TSHZ3: variants seen among roughly 807,000 people sequenced by gnomAD.
TSHZ3 encodes the protein teashirt zinc finger homeobox 3, also known as teashirt homolog 3.
In TSHZ3, 10 loss-of-function variants were observed where a neutral mutation model predicts 64.5. The ratio of observed to expected loss-of-function variants is 0.16; its 90% confidence interval spans 0.10 to 0.26. TSHZ3 has a LOEUF of 0.26. Ranked by LOEUF, TSHZ3 falls within the 10% of genes least tolerant of loss-of-function variation. The probability of loss-of-function intolerance (pLI) is 1.00; values close to 1 mark genes in which losing one functional copy is unlikely to be tolerated. For missense variants in TSHZ3, 1,242 were observed against 1,421.7 expected, an observed-to-expected ratio of 0.87 and a Z score of 2.03; for synonymous variants, 608 against 593.1, an observed-to-expected ratio of 1.03 and a Z score of -0.36.
intron 5 of TSHZ3, among the ~76,000 whole-genome samples, chr19:31,172,494 T>G (rs1198411189): frequency 6.6e-6 from 1 of 152,188 alleles, no homozygotes; most frequent in Non-Finnish European, 1.5e-5. Flanking sequence ...TCACACATAC[T>G]CAAGAAATGC....
Position 31,278,956 on chromosome 19 carries a change from G to A in TSHZ3, c.837C>T (p.Tyr279=). 6.2e-7 allele frequency: 1 copy of A among 1,614,162 alleles called. No individual in the cohort carries two copies. The highest frequency in any genetic ancestry group is 8.5e-7 in the Non-Finnish European group (1 of 1,180,042). The change falls in exon 2 of 2, where the codon TAC becomes TAT. Residue 279 remains tyrosine, a synonymous_variant. Coordinates refer to ENST00000240587, the MANE Select transcript of TSHZ3 (RefSeq NM_020856.4). This position sits in a 1 kb window ranked among gnomAD's most constrained non-coding sequence, Gnocchi z 4.7. ...GCAGGGACTCAAAGGAGTGGCCACA[G>A]TACATGCACTTCAGCACCTTCTGGG... ...EDAQKVLKCM[Y]CGHSFESLQD...
chr19:31,210,699 G>C (rs529417332), intron 4 of TSHZ3, among the ~76,000 whole-genome samples: 1 of 151,944 alleles, frequency 6.6e-6, no homozygotes, highest in Non-Finnish European at 1.5e-5. Context: ...GAACCCACGC[G>C]TACCACCATT....
intron 5 of TSHZ3, among the ~76,000 whole-genome samples, chr19:31,192,107 T>C (rs1974918937): frequency 6.6e-6 from 1 of 152,090 alleles, no homozygotes; most frequent in Admixed American, 6.5e-5. Context: ...GAATACATAA[T>C]ATAATTCCTA....
chr19:31,223,597 G>A (rs972294905), intron 4 of TSHZ3, among the ~76,000 whole-genome samples: 5 of 152,086 alleles, frequency 3.3e-5, no homozygotes, highest in African/African-American at 4.8e-5. Context: ...CCTTTGGAAA[G>A]CGATGCACAT....
chr19:31,153,952 A>G (rs761457238), intron 6 of TSHZ3, among the ~76,000 whole-genome samples: 1 of 152,224 alleles, frequency 6.6e-6, no homozygotes, highest in Non-Finnish European at 1.5e-5. Flanking sequence ...TTCCCATTAA[A>G]GGGTGGAGCA....
At chr19:31,302,628 C>T (rs944623659) in intron 1 of TSHZ3, among the ~76,000 whole-genome samples, 2 of 151,972 alleles carry the variant, frequency 1.3e-5, no homozygotes, top group African/African-American at 2.4e-5. Flanking sequence ...TTTACTTTTA[C>T]CTTAAAATAC....
Position 31,277,770 on chromosome 19 carries a change from G to C in TSHZ3, c.2023C>G (p.Arg675Gly). 1.3e-6 allele frequency: 2 copies of C among 1,529,246 alleles called. No individual in the cohort carries two copies. Among genetic ancestry groups the C allele is most frequent in the Non-Finnish European group, 1.8e-6 (2 of 1,141,562 alleles). The allele number at this position is 1,529,246 out of a possible 1,614,324, so 94.7% of individuals were successfully genotyped here. Reference protein sequence around the residue: ...RSQENSPSPPRDGCKDGSPLA... With the variant: ...RSQENSPSPPGDGCKDGSPLA... ...GGGCTCCCATCCTTGCACCCATCCC[G>C]CGGGGGGCTGGGGCTGTTCTCCTGG... is the stretch of plus-strand genomic sequence containing the variant. Residue 675 changes from arginine to glycine, a missense_variant, in exon 2 of 2, where the codon CGG (arginine) becomes GGG (glycine). Physicochemically the swap from Arg to Gly is moderately radical, Grantham distance 125. This residue lies in a region of TSHZ3 where 550 missense variants were observed against 545.1 expected (regional missense o/e 1.01). Coordinates refer to ENST00000240587, the MANE Select transcript of TSHZ3 (RefSeq NM_020856.4). The surrounding 1 kb of genome is among the most constrained non-coding windows in gnomAD (Gnocchi z 4.5).
chr19:31,326,974 C>A lies in TSHZ3; in HGVS notation c.40+22206G>T, dbSNP rs184222390. On this transcript the variant is annotated intron_variant, in intron 1 of 1. Coordinates refer to ENST00000240587, the MANE Select transcript of TSHZ3 (RefSeq NM_020856.4). ...GAGAAGTCCAGCTCCATGTGAGGAA[C>A]GCCAGAGAAGGCATCCTGGAGAGAA... Among the ~76,000 whole-genome samples the A allele has an allele frequency of 4.0e-4, 61 of 152,200 alleles. 1 individual carries two copies. Among genetic ancestry groups the A allele is most frequent in the Non-Finnish European group, 1.3e-4 (9 of 68,024 alleles).
At chr19:31,156,251 C>A (rs79718803) in intron 6 of TSHZ3, among the ~76,000 whole-genome samples, 1 of 152,110 alleles carries the variant, frequency 6.6e-6, no homozygotes, top group African/African-American at 2.4e-5. Context: ...GTGTCAGGCA[C>A]GTAATAGGTA....
chr19:31,184,447 G>A (rs1974772622), intron 5 of TSHZ3, among the ~76,000 whole-genome samples: 1 of 152,136 alleles, frequency 6.6e-6, no homozygotes, highest in Non-Finnish European at 1.5e-5. Context: ...GTTTTACTGA[G>A]GCCGTAACAA....
Position 31,349,299 on chromosome 19 carries a change from CGCGGGGGGGCGAGGCGGGCCT to C in TSHZ3, c.-101_-81del. 1 of 1,393,428 alleles carries C rather than the reference CGCGGGGGGGCGAGGCGGGCCT, an allele frequency of 7.2e-7. No homozygotes were observed. Among genetic ancestry groups the C allele is most frequent in the Non-Finnish European group, 9.5e-7 (1 of 1,057,900 alleles). The allele number at this position is 1,393,428 out of a possible 1,614,324, so 86.3% of individuals were successfully genotyped here. A position where few individuals can be genotyped will look rare whatever the true frequency, so the allele number is the denominator to read the frequency against. Reference sequence around the variant, plus strand: ...ACAGGGAGGGAGGGGGCGGCGGGCCCGCGGGGGGGCGAGGCGGGCCTGCTCTCAGCCTCCCCCCCGGAGAGC... The same window carrying C: ...ACAGGGAGGGAGGGGGCGGCGGGCCCGCTCTCAGCCTCCCCCCCGGAGAGC... On this transcript the variant is annotated 5_prime_UTR_variant, in exon 1 of 2. Transcript: ENST00000240587.
intron 5 of TSHZ3, among the ~76,000 whole-genome samples, chr19:31,197,117 A>T (rs933158902): frequency 2.0e-5 from 3 of 152,002 alleles, no homozygotes; most frequent in Non-Finnish European, 4.4e-5. Flanking sequence ...GTCTGCTCTC[A>T]GACCACAATG....
Position 31,349,385 on chromosome 19 carries a change from T to G in TSHZ3, c.-166A>C. ...TGCTGCTGCGCCCAGGCTCTCCGCGTCCCCCCCGCGCCGCGCTCCGCCGCG... is the reference window on the plus strand; with the variant it reads ...TGCTGCTGCGCCCAGGCTCTCCGCGGCCCCCCCGCGCCGCGCTCCGCCGCG... On this transcript the variant is annotated 5_prime_UTR_variant, in exon 1 of 2. Transcript: ENST00000240587. 1 of 484,270 alleles carries G rather than the reference T, an allele frequency of 2.1e-6. No homozygotes were observed. The highest frequency in any genetic ancestry group is 3.2e-6 in the Non-Finnish European group (1 of 307,778). The allele number at this position is 484,270 out of a possible 1,614,324, so 30.0% of individuals were successfully genotyped here.
chr19:31,279,388 G>A lies in TSHZ3; in HGVS notation c.405C>T (p.Asn135=). 6.2e-7 allele frequency: 1 copy of A among 1,614,218 alleles called. No homozygotes were observed. The highest frequency in any genetic ancestry group is 8.5e-7 in the Non-Finnish European group (1 of 1,180,046). The part of the protein sequence containing the change: ...FLSNSYWSNL[N]LNLHQPSSEK... ...CCGAGGAGGGCTGGTGCAGGTTGAG[G>A]TTGAGGTTGGACCAGTAGGAGTTGG... The change falls in exon 2 of 2, where the codon AAC becomes AAT. Residue 135 remains asparagine (N), a synonymous_variant. Coordinates refer to ENST00000240587, the MANE Select transcript of TSHZ3 (RefSeq NM_020856.4). The surrounding 1 kb of genome is among the most constrained non-coding windows in gnomAD (Gnocchi z 6.4).
At position 31,254,178 on chromosome 19, in the gene TSHZ3, A is replaced by C. The variant is rs573758167; in HGVS notation, n.64-11303T>G. ...CTGACCAGCCAGCCTCCTGAGACCC[A>C]CTGGCAAATACCCTGTGGTCTTAGC... On this transcript the variant is annotated intron_variant and non_coding_transcript_variant, in intron 1 of 6. Coordinates refer to the TSHZ3 transcript ENST00000651361. 7.9e-5 allele frequency among the ~76,000 whole-genome samples: 12 copies of C among 152,278 alleles called. 2 individuals are homozygous for C. The South Asian group carries it at 2.5e-3, about 32-fold the overall frequency.
chr19:31,214,175 G>A (rs1975295835), intron 4 of TSHZ3, among the ~76,000 whole-genome samples: 1 of 152,198 alleles, frequency 6.6e-6, no homozygotes, highest in East Asian at 1.9e-4. Context: ...CCAAATCTTT[G>A]AAAGCCCTCT....
At chr19:31,215,616 T>C (rs1243334631) in intron 4 of TSHZ3, among the ~76,000 whole-genome samples, 1 of 152,266 alleles carries the variant, frequency 6.6e-6, no homozygotes, top group Non-Finnish European at 1.5e-5. Context: ...CTCACGCCTA[T>C]AATCCCAGCA....
At chr19:31,312,098 GCATGGTGACAC>G in intron 1 of TSHZ3, among the ~76,000 whole-genome samples, 1 of 152,246 alleles carries the variant, frequency 6.6e-6, no homozygotes, top group Non-Finnish European at 1.5e-5. Flanking sequence ...TGTAAAACAG[GCATGGTGACAC>G]CAATGTTTCC....
chr19:31,186,870 A>G (rs1479187766), intron 5 of TSHZ3, among the ~76,000 whole-genome samples: 4 of 152,062 alleles, frequency 2.6e-5, no homozygotes, highest in Non-Finnish European at 4.4e-5. Context: ...ATTTGTTCAC[A>G]CGTTTTGCCT....
Sources: gnomAD v4.1 joint callset for allele counts (sites outside exome capture counted in the v4.1 genomes callset) on GRCh38, gnomAD v4.1.1 for gene constraint, gnomAD v4.1.1 regional missense constraint, Gnocchi (gnomAD v3.1) non-coding constraint, MANE v1.5 for transcripts, NCBI Gene and HGNC (gene_info 2026-07-23, HGNC 2026-07-21) for gene names.